TENM1: variants seen among roughly 807,000 people sequenced by gnomAD.
TENM1 encodes teneurin transmembrane protein 1.
Under a neutral mutation model 174.8 loss-of-function variants are expected in TENM1, and 35 were observed. The ratio of observed to expected loss-of-function variants is 0.20; its 90% CI spans 0.15 to 0.27. The LOEUF (loss-of-function observed/expected upper bound fraction) is 0.27. Ranked by LOEUF, TENM1 falls within the 10% of genes least tolerant of loss-of-function variation. TENM1 has a pLI of 1.00. For synonymous variants in TENM1, 781 were observed against 798.7 expected, an observed-to-expected ratio of 0.98 and a Z score of 0.37; for missense variants, 1,633 against 2,130.1, an observed-to-expected ratio of 0.77 and a Z score of 4.59.
chrX:125,062,434 A>C, the TENM1 span, among the ~76,000 whole-genome samples: 1 of 111,902 alleles, frequency 8.9e-6, no homozygotes, highest in Non-Finnish European at 1.9e-5. Context: ...CACAAAACCT[A>C]ATACAACTCA....
chrX:125,158,052 A>G, the TENM1 span, among the ~76,000 whole-genome samples: 2 of 111,202 alleles, frequency 1.8e-5, no homozygotes, highest in African/African-American at 6.5e-5. Context: ...GAGAAGGAAT[A>G]TTTTTTGGAT....
chrX:124,867,617 T>C (rs988312230), intron 3 of TENM1, among the ~76,000 whole-genome samples: 1 of 112,045 alleles, frequency 8.9e-6, no homozygotes, highest in African/African-American at 3.2e-5. Context: ...TTATTCAACA[T>C]AGTATTGGAA....
the TENM1 span, among the ~76,000 whole-genome samples, chrX:125,147,197 C>A: frequency 1.8e-5 from 2 of 108,179 alleles, no homozygotes; most frequent in African/African-American, 6.7e-5. Flanking sequence ...GTATACATAT[C>A]TTATATACAT....
chrX:124,941,598 T>G (rs2058327605), intron 1 of TENM1, among the ~76,000 whole-genome samples: 1 of 112,192 alleles, frequency 8.9e-6, no homozygotes, highest in African/African-American at 3.2e-5. Flanking sequence ...TATATCTAAC[T>G]TCAAATTAGA....
chrX:125,014,974 T>A, the TENM1 span, among the ~76,000 whole-genome samples: 1 of 111,266 alleles, frequency 9.0e-6, no homozygotes, highest in Admixed American at 9.7e-5. Context: ...CATAAGACTC[T>A]GGGGAAGGGA....
chrX:124,395,444 C>T (rs6648600), intron 27 of TENM1, among the ~76,000 whole-genome samples: 20,516 of 109,455 alleles, frequency 0.19, 1,833 homozygotes, highest in African/African-American at 0.32. Context: ...AGAAGACCTA[C>T]CAAATGTTCC....
chrX:125,103,052 T>A, the TENM1 span, among the ~76,000 whole-genome samples: 1 of 112,310 alleles, frequency 8.9e-6, no homozygotes, highest in African/African-American at 3.2e-5. Context: ...GATCCCACAT[T>A]TGAATCTCAA....
intron 1 of TENM1, among the ~76,000 whole-genome samples, chrX:124,951,587 T>C (rs1021751255): frequency 9.8e-6 from 1 of 101,822 alleles, no homozygotes; most frequent in African/African-American, 3.5e-5. Flanking sequence ...TTTTATGTTA[T>C]GACAAAACAT....
At chrX:125,141,743 T>C in the TENM1 span, among the ~76,000 whole-genome samples, 1 of 111,579 alleles carries the variant, frequency 9.0e-6, no homozygotes, top group Admixed American at 9.5e-5. Flanking sequence ...AAACACTGTG[T>C]TTGTGGTCAA....
chrX:124,774,669 A>G (rs2054741357), intron 3 of TENM1, among the ~76,000 whole-genome samples: 1 of 111,586 alleles, frequency 9.0e-6, no homozygotes, highest in South Asian at 3.8e-4. Flanking sequence ...GACCTTCTGA[A>G]TGTAGTACTG....
chrX:124,606,281 G>A (rs749275853), intron 11 of TENM1, among the ~76,000 whole-genome samples: 2 of 110,998 alleles, frequency 1.8e-5, no homozygotes, highest in Non-Finnish European at 3.8e-5. Flanking sequence ...GGTGTTGAGA[G>A]AGTTGACACT....
intron 11 of TENM1, among the ~76,000 whole-genome samples, chrX:124,595,553 T>C (rs1237875479): frequency 3.6e-5 from 4 of 112,118 alleles, no homozygotes; most frequent in African/African-American, 1.3e-4. Context: ...ATATTGATCA[T>C]TTATATTAAA....
chrX:124,773,404 T>A, intron 3 of TENM1, among the ~76,000 whole-genome samples: 2 of 104,875 alleles, frequency 1.9e-5, no homozygotes, highest in Non-Finnish European at 3.9e-5. Context: ...GACTAGAAAA[T>A]GTAAAAAGTT....
At chrX:125,120,335 A>G in the TENM1 span, among the ~76,000 whole-genome samples, 12,950 of 110,893 alleles carry the variant, frequency 0.12, 1,855 homozygotes, top group African/African-American at 0.4. Context: ...TTTAAGTTCC[A>G]GTGTAAATGT....
intron 11 of TENM1, among the ~76,000 whole-genome samples, chrX:124,583,258 C>A (rs892883509): frequency 9.0e-6 from 1 of 111,661 alleles, no homozygotes; most frequent in African/African-American, 3.3e-5. Flanking sequence ...CCCCTGACCC[C>A]CGAGCAGCCT....
intron 3 of TENM1, among the ~76,000 whole-genome samples, chrX:124,842,330 G>A (rs1275337318): frequency 8.9e-6 from 1 of 111,749 alleles, no homozygotes; most frequent in Non-Finnish European, 1.9e-5. Context: ...GAAATCAGAT[G>A]AATTCCTGTG....
chrX:124,799,097 G>C (rs901422813), intron 3 of TENM1, among the ~76,000 whole-genome samples: 1 of 111,442 alleles, frequency 9.0e-6, no homozygotes, highest in Non-Finnish European at 1.9e-5. Context: ...CTGTAGCTTT[G>C]TAGTATAGTT....
At chrX:124,867,886 T>C (rs182523060) in intron 3 of TENM1, among the ~76,000 whole-genome samples, 1 of 111,771 alleles carries the variant, frequency 8.9e-6, no homozygotes, top group African/African-American at 3.2e-5. Flanking sequence ...CCATTTACAA[T>C]AGCCACACAG....
At chrX:125,054,928 T>C in the TENM1 span, among the ~76,000 whole-genome samples, 2 of 112,027 alleles carry the variant, frequency 1.8e-5, no homozygotes, top group East Asian at 5.6e-4. Context: ...ATGCATGCCA[T>C]GCTGGACAGA....
Sources: allele counts gnomAD v4.1 joint callset (sites outside exome capture counted in the v4.1 genomes callset), GRCh38; gene constraint gnomAD v4.1.1; transcripts MANE v1.5; gene names NCBI Gene and HGNC (gene_info 2026-07-23, HGNC 2026-07-21).